SPATA13: variants seen among roughly 807,000 people sequenced by gnomAD.
The protein encoded by SPATA13 is spermatogenesis-associated protein 13.
SPATA13 carries 50 observed loss-of-function variants against 104.0 expected under a neutral mutation model. That is an observed-to-expected ratio of 0.48 (90% CI 0.38 to 0.61). SPATA13 has a LOEUF of 0.61. Among genes scored for constraint, SPATA13 ranks in the 20% least tolerant of loss-of-function variants. The probability of loss-of-function intolerance (pLI) is 0.00; values close to 1 mark genes in which losing one functional copy is unlikely to be tolerated. For missense variants in SPATA13, 1,524 were observed against 1,690.6 expected (o/e 0.90, Z 1.73); for synonymous variants, 606 against 667.5 (o/e 0.91, Z 1.42).
At chr13:24,237,979 A>G (rs1159272523) in intron 2 of SPATA13, among the ~76,000 whole-genome samples, 1 of 147,110 alleles carries the variant, frequency 6.8e-6, no homozygotes, top group Non-Finnish European at 1.5e-5. Context: ...TATGCAATAT[A>G]TAAACATGTA....
chr13:24,043,339 C>T (rs1321504579), intron 3 of SPATA13, among the ~76,000 whole-genome samples: 1 of 152,070 alleles, frequency 6.6e-6, no homozygotes, highest in Non-Finnish European at 1.5e-5. Context: ...GGTCAAACAC[C>T]ACGTCCACTT....
rs150068595 is a variant in SPATA13, at chr13:24,169,947, G to C, written c.-112+9015G>C. 6.1e-3 allele frequency among the ~76,000 whole-genome samples: 925 copies of C among 152,320 alleles called. 10 individuals carry two copies. The highest frequency in any genetic ancestry group is 0.022 in the African/African-American group (898 of 41,558). ...TACGGAGATTGTCTTGGAGGAGAAA[G>C]CAAGAACTCTCCCTGCTTTTTCTCA... On this transcript the variant is annotated intron_variant, in intron 1 of 12. Coordinates refer to ENST00000382108, the MANE Select transcript of SPATA13 (RefSeq NM_001166271.3).
chr13:24,043,153 C>G (rs9511014), intron 3 of SPATA13, among the ~76,000 whole-genome samples: 72,620 of 151,626 alleles, frequency 0.48, 19,144 homozygotes, highest in East Asian at 0.64. Flanking sequence ...CGGGTGGCCT[C>G]GGTGTTCTCC....
At chr13:24,266,334 G>A (rs1874294153) in intron 4 of SPATA13, among the ~76,000 whole-genome samples, 1 of 152,128 alleles carries the variant, frequency 6.6e-6, no homozygotes, top group African/African-American at 2.4e-5. Context: ...ACCCAGGCTG[G>A]AGGGCACTGG....
intron 1 of SPATA13, among the ~76,000 whole-genome samples, chr13:24,180,175 G>C (rs1868707975): frequency 6.6e-6 from 1 of 152,168 alleles, no homozygotes; most frequent in Non-Finnish European, 1.5e-5. Context: ...TTTGCATATG[G>C]TGTAAGGGAA....
chr13:24,198,529 C>T (rs1367830161), intron 1 of SPATA13, among the ~76,000 whole-genome samples: 2 of 152,196 alleles, frequency 1.3e-5, no homozygotes, highest in Admixed American at 1.3e-4. Context: ...GAATCTCCCA[C>T]AGAGGCGTTG....
chr13:24,191,684 G>C (rs1045092711), intron 1 of SPATA13, among the ~76,000 whole-genome samples: 6 of 151,388 alleles, frequency 4.0e-5, no homozygotes, highest in African/African-American at 1.2e-4. Flanking sequence ...TAATTTTTTT[G>C]TATTTTTAGT....
intron 3 of SPATA13, among the ~76,000 whole-genome samples, chr13:24,144,054 A>T (rs980395189): frequency 1.3e-5 from 2 of 151,914 alleles, no homozygotes; most frequent in Admixed American, 6.6e-5. Context: ...CTCCCACCAC[A>T]CCCCCGACTG....
In SPATA13 at chr13:24,286,199, A is replaced by G; in HGVS notation, c.2302-15A>G. 1.2e-6 allele frequency: 2 copies of G among 1,601,810 alleles called. No homozygotes were observed. The highest frequency in any genetic ancestry group is 2.2e-5 in the East Asian group (1 of 44,650). On this transcript the variant is annotated splice_polypyrimidine_tract_variant and intron_variant, in intron 5 of 12. Coordinates refer to ENST00000382108, the MANE Select transcript of SPATA13 (RefSeq NM_001166271.3). The surrounding 1 kb of genome is among the most constrained non-coding windows in gnomAD (Gnocchi z 4.9). The stretch of plus-strand genomic sequence containing the variant: ...TCGTGCTCTATGCTGAGCGCACCCC[A>G]CTGTCTCCTTTCAGCTGATCAGTGA...
At position 24,078,739 on chromosome 13, in the gene SPATA13, T is replaced by A. The variant is rs376384873; in HGVS notation, c.-112+61038T>A. 5.3e-5 allele frequency among the ~76,000 whole-genome samples: 8 copies of A among 152,320 alleles called. No individual in the cohort carries two copies. The South Asian group carries it at 1.0e-3, about 20-fold the overall frequency. On this transcript the variant is annotated intron_variant, in intron 3 of 14. Coordinates refer to the SPATA13 transcript ENST00000424834. ...CTCTGCTGTCAATAGCCCATCAGTGTACATTCACCTTCCCATTCCATGCCA... is the reference window on the plus strand; with the variant it reads ...CTCTGCTGTCAATAGCCCATCAGTGAACATTCACCTTCCCATTCCATGCCA...
chr13:24,079,694 A>G (rs1879447183), intron 3 of SPATA13, among the ~76,000 whole-genome samples: 1 of 152,056 alleles, frequency 6.6e-6, no homozygotes, highest in Non-Finnish European at 1.5e-5. Context: ...TTTTTTATCT[A>G]AAATCTCCCT....
chr13:24,010,460 T>A (rs79211623), intron 2 of SPATA13, among the ~76,000 whole-genome samples: 2 of 60,360 alleles, frequency 3.3e-5, no homozygotes, highest in Non-Finnish European at 8.7e-5. Context: ...GTATGTAGCT[T>A]TTTTTTTTTT....
chr13:23,997,549 TG>T (rs67688298), intron 2 of SPATA13, among the ~76,000 whole-genome samples: 116,722 of 151,916 alleles, frequency 0.77, 45,049 homozygotes, highest in African/African-American at 0.81. Context: ...TAGTCCATTT[TG>T]CATTGCTATA....
At chr13:24,157,443 C>T (rs1300038894), upstream of SPATA13, among the ~76,000 whole-genome samples, 18 of 152,226 alleles carry the variant, frequency 1.2e-4, no homozygotes, top group African/African-American at 2.2e-4. Flanking sequence ...GGACTACAGG[C>T]GCCCGCCACC....
rs181430714 is a variant in SPATA13, at chr13:24,123,094, A to T, written c.-111-99725A>T. 2.4e-4 allele frequency: 240 copies of T among 989,616 alleles called. 1 individual carries two copies. In the African/African-American group the frequency reaches 3.5e-3, roughly 14 times the overall value. The allele number at this position is 989,616 out of a possible 1,614,324, so 61.3% of individuals were successfully genotyped here. ...GCAATAGGAGTAAATTCTTCACTAT[A>T]TTCACAGATCATTTTCTGAATTGCA... On this transcript the variant is annotated intron_variant, in intron 3 of 14. Coordinates refer to the SPATA13 transcript ENST00000424834.
intron 3 of SPATA13, among the ~76,000 whole-genome samples, chr13:24,018,913 GA>G (rs1555254566): frequency 6.6e-6 from 1 of 152,138 alleles, no homozygotes; most frequent in Non-Finnish European, 1.5e-5. Context: ...GACAAAGTAT[GA>G]AAAACTTAAT....
At chr13:24,142,405 T>C (rs573945379) in intron 3 of SPATA13, among the ~76,000 whole-genome samples, 1 of 152,310 alleles carries the variant, frequency 6.6e-6, no homozygotes, top group South Asian at 2.1e-4. Flanking sequence ...TTCTTTAGTT[T>C]TTCTTTGTCT....
At chr13:24,274,339 C>T (rs1874824913) in intron 4 of SPATA13, among the ~76,000 whole-genome samples, 1 of 152,234 alleles carries the variant, frequency 6.6e-6, no homozygotes, top group African/African-American at 2.4e-5. Flanking sequence ...AATAAATTCT[C>T]AGCCAACATC....
chr13:24,048,050 C>T (rs1040380159), intron 3 of SPATA13, among the ~76,000 whole-genome samples: 1 of 152,214 alleles, frequency 6.6e-6, no homozygotes, highest in Non-Finnish European at 1.5e-5. Context: ...CTATTCCTAC[C>T]CTCAAAGGAT....
Sources: allele counts gnomAD v4.1 joint callset (sites outside exome capture counted in the v4.1 genomes callset), GRCh38; gene constraint gnomAD v4.1.1; non-coding constraint Gnocchi (gnomAD v3.1); transcripts MANE v1.5; gene names NCBI Gene and HGNC (gene_info 2026-07-23, HGNC 2026-07-21).